KCNJ15: variants seen among roughly 807,000 people sequenced by gnomAD.
KCNJ15 encodes the protein ATP-sensitive inward rectifier potassium channel 15.
A neutral mutation model predicts 23.0 loss-of-function variants in KCNJ15; 14 were observed. The observed-to-expected ratio is 0.61, with a 90% CI of 0.40 to 0.95. The LOEUF (loss-of-function observed/expected upper bound fraction) is 0.95. Among genes scored for constraint, KCNJ15 ranks in the 40% least tolerant of loss-of-function variants. KCNJ15 has a pLI of 0.00. For synonymous variants in KCNJ15, 185 were observed against 183.2 expected, an observed-to-expected ratio of 1.01 and a Z score of -0.08; for missense variants, 388 against 461.8, an observed-to-expected ratio of 0.84 and a Z score of 1.46.
At chr21:38,250,145 C>T (rs1243373712) in intron 1 of KCNJ15, among the ~76,000 whole-genome samples, 1 of 152,160 alleles carries the variant, frequency 6.6e-6, no homozygotes, top group African/African-American at 2.4e-5. Context: ...CAAAAGGGCA[C>T]AATTTTGCAA....
At chr21:38,235,205 A>G (rs1392793549) in intron 1 of KCNJ15, among the ~76,000 whole-genome samples, 1 of 152,046 alleles carries the variant, frequency 6.6e-6, no homozygotes, top group Non-Finnish European at 1.5e-5. Flanking sequence ...TTGTCAGAAA[A>G]TCATTTCACA....
intron 1 of KCNJ15, among the ~76,000 whole-genome samples, chr21:38,268,443 AT>A (rs1470698489): frequency 1.1e-4 from 16 of 145,226 alleles, no homozygotes; most frequent in Middle Eastern, 3.5e-3. Flanking sequence ...TTTAAAAAAA[AT>A]ATTACAGCCT....
rs796497010 is a variant in KCNJ15, at chr21:38,257,074, G to A, written c.-228G>A. 13 of 152,144 alleles carry A rather than the reference G, an allele frequency of 8.5e-5. No homozygotes were observed. Among genetic ancestry groups the A allele is most frequent in the African/African-American group, 3.1e-4 (13 of 41,482 alleles). The allele number at this position is 152,144 out of a possible 1,614,324, so 9.4% of individuals were successfully genotyped here. A position where few individuals can be genotyped will look rare whatever the true frequency, so the allele number is the denominator to read the frequency against. On this transcript the variant is annotated 5_prime_UTR_variant, in exon 1 of 3. Transcript: ENST00000398938. Reference sequence around the variant, plus strand: ...ACAGTGAGAGAGTTTTCTTCATTTTGAGGAACCCTAAACACCTATCTTTCC... The same window carrying A: ...ACAGTGAGAGAGTTTTCTTCATTTTAAGGAACCCTAAACACCTATCTTTCC...
intron 1 of KCNJ15, among the ~76,000 whole-genome samples, chr21:38,281,008 T>C: frequency 6.6e-6 from 1 of 152,192 alleles, no homozygotes; most frequent in Non-Finnish European, 1.5e-5. Context: ...GGCCGTTTGC[T>C]ATGCAGAGTG....
At chr21:38,251,644 C>A (rs1394945560) in intron 1 of KCNJ15, among the ~76,000 whole-genome samples, 2 of 152,172 alleles carry the variant, frequency 1.3e-5, no homozygotes, top group African/African-American at 2.4e-5. Flanking sequence ...TGTATTAATG[C>A]TTTCATTTTC....
intron 1 of KCNJ15, chr21:38,238,414 A>G: frequency 4.3e-6 from 3 of 691,854 alleles, no homozygotes; most frequent in East Asian, 3.1e-5. Context: ...AGGAATGTAG[A>G]CAGGGTGGAC....
chr21:38,233,500 C>T (rs59654392), intron 1 of KCNJ15, among the ~76,000 whole-genome samples: 7,654 of 151,988 alleles, frequency 0.05, 635 homozygotes, highest in African/African-American at 0.17. Context: ...ACATTTTGTT[C>T]CTCTGTTCCA....
At chr21:38,292,113 GT>G (rs1984666623) in intron 1 of KCNJ15, among the ~76,000 whole-genome samples, 3 of 152,330 alleles carry the variant, frequency 2.0e-5, no homozygotes, top group South Asian at 4.1e-4. Context: ...TTAGATAGGA[GT>G]GCAGCCGTGG....
intron 1 of KCNJ15, among the ~76,000 whole-genome samples, chr21:38,294,515 TTG>T (rs1289393759): frequency 6.6e-6 from 1 of 152,166 alleles, no homozygotes; most frequent in East Asian, 1.9e-4. Context: ...GGCCTTTGCT[TTG>T]TTAGTTCACT....
At chr21:38,298,918 T>C (rs1244813829) in intron 2 of KCNJ15, among the ~76,000 whole-genome samples, 1 of 152,046 alleles carries the variant, frequency 6.6e-6, no homozygotes, top group Non-Finnish European at 1.5e-5. Context: ...CCTTGTTTAA[T>C]AGTAACAAAA....
chr21:38,279,164 T>G (rs1013242302), intron 1 of KCNJ15, among the ~76,000 whole-genome samples: 7 of 151,736 alleles, frequency 4.6e-5, no homozygotes, highest in Non-Finnish European at 7.4e-5. Context: ...TTTCAGTGCC[T>G]GAGGGTCTAC....
intron 1 of KCNJ15, chr21:38,285,753 C>G (rs997953215): frequency 6.6e-6 from 1 of 152,366 alleles, no homozygotes; most frequent in East Asian, 1.9e-4. Context: ...AGAGCCAGGG[C>G]TTAAGGGTCT....
rs1237174520 is a variant in KCNJ15 at position 38,303,020 on chromosome 21, A to C, written c.*2631A>C. On this transcript the variant is annotated 3_prime_UTR_variant, in exon 3 of 3. Coordinates refer to ENST00000398938, the MANE Select transcript of KCNJ15 (RefSeq NM_170736.3). ...CAATTTATCTAAATATCTGGTCTTA[A>C]GAGTGCCTTAAGAGTGTCTCGTTTT... The C allele has an allele frequency of 6.6e-6, 1 of 152,170 alleles. No individual in the cohort carries two copies. Among genetic ancestry groups the C allele is most frequent in the Non-Finnish European group, 1.5e-5 (1 of 68,032 alleles). The allele number at this position is 152,170 out of a possible 1,614,324, so 9.4% of individuals were successfully genotyped here.
chr21:38,249,603 A>G (rs998649065), intron 1 of KCNJ15, among the ~76,000 whole-genome samples: 2 of 152,220 alleles, frequency 1.3e-5, no homozygotes, highest in African/African-American at 4.8e-5. Context: ...CAGTCACTGC[A>G]TGTCTAGTCT....
chr21:38,282,405 A>G (rs978731088), intron 1 of KCNJ15, among the ~76,000 whole-genome samples: 1 of 152,138 alleles, frequency 6.6e-6, no homozygotes, highest in Non-Finnish European at 1.5e-5. Context: ...GAATATACTT[A>G]TGTTTGCCCA....
Position 38,299,221 on chromosome 21 carries a change from A to T in KCNJ15, c.-18-23A>T. The T allele has an allele frequency of 6.4e-7, 1 of 1,550,870 alleles. No individual in the cohort carries two copies. The highest frequency in any genetic ancestry group is 1.2e-5 in the South Asian group (1 of 83,496). On this transcript the variant is annotated intron_variant, in intron 2 of 2. Coordinates refer to ENST00000398938, the MANE Select transcript of KCNJ15 (RefSeq NM_170736.3). This position sits in a 1 kb window ranked among gnomAD's most constrained non-coding sequence, Gnocchi z 4.5. ...GTTCCACCACATATGGCGATAATGA[A>T]ACATCTTTGTCATTTCTCTAAGTGT...
At chr21:38,284,844 A>T (rs1327420629) in intron 1 of KCNJ15, among the ~76,000 whole-genome samples, 1 of 152,176 alleles carries the variant, frequency 6.6e-6, no homozygotes, top group Non-Finnish European at 1.5e-5. Flanking sequence ...AGGACATGTT[A>T]TATACCCCAT....
chr21:38,274,360 G>C (rs900652407), intron 1 of KCNJ15, among the ~76,000 whole-genome samples: 3 of 152,160 alleles, frequency 2.0e-5, no homozygotes, highest in African/African-American at 7.2e-5. Context: ...CCTTTAGTAA[G>C]ATCACACTTC....
rs1986058936 is a variant in KCNJ15, at chr21:38,306,429, T to G, written c.*6040T>G. ...GCTAGGAAATGCGTGATCTCTCAGC[T>G]GACTTACTTTATGCAAATTTACTTA... On this transcript the variant is annotated 3_prime_UTR_variant, in exon 3 of 3. Transcript: ENST00000398938. The G allele has an allele frequency of 6.6e-6, 1 of 151,580 alleles. No individual in the cohort carries two copies. The allele number at this position is 151,580 out of a possible 1,614,324, so 9.4% of individuals were successfully genotyped here.
Sources: allele counts gnomAD v4.1 joint callset (sites outside exome capture counted in the v4.1 genomes callset), GRCh38; gene constraint gnomAD v4.1.1; non-coding constraint Gnocchi (gnomAD v3.1); transcripts MANE v1.5; gene names NCBI Gene and HGNC (gene_info 2026-07-23, HGNC 2026-07-21).